The following KIAA1217 variants were observed in gnomAD, a reference collection of about 807,000 sequenced individuals.
The protein encoded by KIAA1217 is KIAA1217, also known as sickle tail protein homolog.
A neutral mutation model predicts 163.9 loss-of-function variants in KIAA1217; 88 were observed. The ratio of observed to expected loss-of-function variants is 0.54; its 90% CI spans 0.45 to 0.64. The LOEUF is 0.64. Among genes scored for constraint, KIAA1217 ranks in the 30% least tolerant of loss-of-function variants. KIAA1217 has a pLI of 0.00. For missense variants in KIAA1217, 2,372 were observed against 2,475.0 expected, an observed-to-expected ratio of 0.96 and a Z score of 0.88; for synonymous variants, 903 against 923.1, an observed-to-expected ratio of 0.98 and a Z score of 0.39.
In KIAA1217 at chr10:24,501,534, C is replaced by A; in HGVS notation, c.1990C>A (p.Arg664=). 1 of 1,612,910 alleles carries A rather than the reference C, an allele frequency of 6.2e-7. No individual in the cohort carries two copies. The highest frequency in any genetic ancestry group is 8.5e-7 in the Non-Finnish European group (1 of 1,179,622). The change falls in exon 9 of 21, where the codon CGG becomes AGG. Residue 664 remains arginine, a synonymous_variant. Transcript: ENST00000376454. The part of the protein sequence containing the change: ...AELRLQLQQM[R]QLQLQNQELL... ...ACTCAGGCTCCAGCTCCAGCAGATG[C>A]GGCAGCTCCAGGTATTCCTCATGCA...
intron 2 of KIAA1217, among the ~76,000 whole-genome samples, chr10:24,280,423 T>A (rs1163988381): frequency 6.6e-6 from 1 of 152,136 alleles, no homozygotes. Context: ...TAAAGTAAAA[T>A]GAAAAGATGC....
chr10:24,179,202 T>A (rs1378238056), intron 2 of KIAA1217, among the ~76,000 whole-genome samples: 1 of 152,210 alleles, frequency 6.6e-6, no homozygotes, highest in Admixed American at 6.5e-5. Flanking sequence ...CAAGACAAAG[T>A]AAAAGGCTTT....
intron 1 of KIAA1217, among the ~76,000 whole-genome samples, chr10:23,850,513 T>C (rs888869327): frequency 3.3e-5 from 5 of 152,124 alleles, no homozygotes; most frequent in African/African-American, 9.7e-5. Flanking sequence ...GTGATCTTTA[T>C]GAAGAGGCAA....
At chr10:24,515,740 C>T (rs79053862) in intron 10 of KIAA1217, among the ~76,000 whole-genome samples, 52 of 152,152 alleles carry the variant, frequency 3.4e-4, no homozygotes, top group African/African-American at 1.2e-3. Flanking sequence ...GTATGACCCA[C>T]AGGCCACAAA....
chr10:24,079,496 A>G (rs2061473866), intron 2 of KIAA1217, among the ~76,000 whole-genome samples: 1 of 152,210 alleles, frequency 6.6e-6, no homozygotes, highest in South Asian at 2.1e-4. Context: ...CCATCCACCC[A>G]TTAATGGTAT....
In KIAA1217 at chr10:24,434,291, G is replaced by A. The variant is rs536686564; in HGVS notation, c.752+1098G>A. On this transcript the variant is annotated intron_variant, in intron 4 of 20. Transcript: ENST00000376454. ...TGACCTCAGGTCATCTACCTGCCTC[G>A]GCCTCCCAAAGTGCTAGGATTACAG... Among the ~76,000 whole-genome samples, 8 of 151,952 alleles carry A rather than the reference G, an allele frequency of 5.3e-5. No individual in the cohort carries two copies. In the South Asian group the frequency reaches 1.7e-3, roughly 32 times the overall value.
chr10:24,375,298 A>T (rs936440508), intron 2 of KIAA1217, among the ~76,000 whole-genome samples: 1 of 152,208 alleles, frequency 6.6e-6, no homozygotes, highest in Non-Finnish European at 1.5e-5. Context: ...CAGCATGGAC[A>T]TTAAAGACAG....
intron 2 of KIAA1217, among the ~76,000 whole-genome samples, chr10:24,240,835 A>C (rs2072985188): frequency 6.6e-6 from 1 of 151,982 alleles, no homozygotes; most frequent in South Asian, 2.1e-4. Flanking sequence ...AATGACTAGC[A>C]GTCAAGTAAG....
At chr10:24,472,211 T>G (rs917751030) in intron 5 of KIAA1217, among the ~76,000 whole-genome samples, 1 of 152,186 alleles carries the variant, frequency 6.6e-6, no homozygotes, top group Non-Finnish European at 1.5e-5. Context: ...GGCCTTGCTC[T>G]CTCAGGAGTG....
intron 2 of KIAA1217, among the ~76,000 whole-genome samples, chr10:24,141,968 T>C (rs1420060515): frequency 6.6e-6 from 1 of 152,198 alleles, no homozygotes; most frequent in East Asian, 1.9e-4. Context: ...CTACCCAGTC[T>C]ATGGAATTTG....
At chr10:24,090,371 G>C (rs1468713995) in intron 2 of KIAA1217, among the ~76,000 whole-genome samples, 4 of 126,230 alleles carry the variant, frequency 3.2e-5, no homozygotes, top group African/African-American at 7.4e-5. Context: ...GAAGAGACAG[G>C]GTCTTGCTAT....
chr10:24,449,496 A>G (rs2085910254), intron 5 of KIAA1217: 4 of 985,292 alleles, frequency 4.1e-6, no homozygotes, highest in South Asian at 9.4e-5. Context: ...TTTCCGGGAC[A>G]GGAAAAATGC....
rs540758638 is a variant in KIAA1217, at chr10:23,799,615, G to A, written c.-321+104381G>A. Among the ~76,000 whole-genome samples the A allele has an allele frequency of 3.3e-5, 5 of 152,248 alleles. No homozygotes were observed. The South Asian group carries it at 8.3e-4, about 25-fold the overall frequency. On this transcript the variant is annotated intron_variant, in intron 1 of 18. Transcript: ENST00000376462. ...GCTACCCTTTGCATATTCTTCTAAG[G>A]AATTAGGACCTACTAATTAATTTCT...
intron 2 of KIAA1217, among the ~76,000 whole-genome samples, chr10:24,120,522 T>C (rs1186873011): frequency 6.6e-6 from 1 of 152,188 alleles, no homozygotes; most frequent in Non-Finnish European, 1.5e-5. Context: ...CTTTTATGAG[T>C]GCTGGCTAGC....
intron 2 of KIAA1217, among the ~76,000 whole-genome samples, chr10:24,307,164 C>G (rs1188519334): frequency 6.6e-6 from 1 of 152,174 alleles, no homozygotes; most frequent in African/African-American, 2.4e-5. Context: ...TACTGGATAG[C>G]TTTTAGATTT....
At chr10:23,741,674 G>A (rs1446278926) in intron 1 of KIAA1217, among the ~76,000 whole-genome samples, 1 of 152,178 alleles carries the variant, frequency 6.6e-6, no homozygotes, top group African/African-American at 2.4e-5. Flanking sequence ...CCACTCCCAG[G>A]ATGGGGGTCA....
Position 24,291,354 on chromosome 10 carries a change from C to A in KIAA1217, c.354+71445C>A, listed in dbSNP as rs76789491. 9.4e-3 allele frequency among the ~76,000 whole-genome samples: 1,436 copies of A among 152,218 alleles called. 29 individuals are homozygous for A. The highest frequency in any genetic ancestry group is 0.083 in the East Asian group (431 of 5,164). On this transcript the variant is annotated intron_variant, in intron 2 of 20. Coordinates refer to ENST00000376454, the MANE Select transcript of KIAA1217 (RefSeq NM_019590.5). ...GACCAGCCTGGCCAACATGGTAAAA[C>A]CCTGTCTCCACTAAAAATACAAAAA...
chr10:24,350,437 G>A (rs1218636345), intron 2 of KIAA1217, among the ~76,000 whole-genome samples: 1 of 152,152 alleles, frequency 6.6e-6, no homozygotes. Context: ...TTTTTATTGT[G>A]TTCTAGTTCT....
intron 1 of KIAA1217, among the ~76,000 whole-genome samples, chr10:23,924,867 G>T (rs150409317): frequency 6.9e-6 from 1 of 144,230 alleles, no homozygotes; most frequent in Admixed American, 6.7e-5. Flanking sequence ...AGGATGTGGC[G>T]TTAGCTGTTA....
Sources: allele counts gnomAD v4.1 joint callset (sites outside exome capture counted in the v4.1 genomes callset), GRCh38; gene constraint gnomAD v4.1.1; transcripts MANE v1.5; gene names NCBI Gene and HGNC (gene_info 2026-07-23, HGNC 2026-07-21).